Variants in CCDC7 observed in about 807,000 individuals in gnomAD.
CCDC7 encodes coiled-coil domain containing 7.
CCDC7 carries 183 observed loss-of-function variants against 196.9 expected under a neutral mutation model. The observed-to-expected ratio is 0.93, with a 90% CI of 0.82 to 1.05. CCDC7 has a LOEUF of 1.05. Among genes scored for constraint, CCDC7 ranks in the 50% least tolerant of loss-of-function variants. The pLI, the probability that CCDC7 is intolerant of heterozygous loss-of-function variation, is 0.00. For synonymous variants in CCDC7, 525 were observed against 484.6 expected, an observed-to-expected ratio of 1.08 and a Z score of -1.10; for missense variants, 1,540 against 1,482.2, an observed-to-expected ratio of 1.04 and a Z score of -0.64.
chr10:32,677,190 G>A (rs2075133705), intron 21 of CCDC7, among the ~76,000 whole-genome samples: 2 of 134,054 alleles, frequency 1.5e-5, no homozygotes, highest in African/African-American at 5.6e-5. Context: ...ACAGGAAGGG[G>A]AACATCACAC....
At chr10:32,646,728 C>A (rs2067833334) in intron 20 of CCDC7, among the ~76,000 whole-genome samples, 1 of 152,100 alleles carries the variant, frequency 6.6e-6, no homozygotes, top group Admixed American at 6.5e-5. Context: ...TTTTTAAACC[C>A]ACCACCACCT....
chr10:32,582,106 C>CTATATATATA (rs6143863), intron 16 of CCDC7, among the ~76,000 whole-genome samples: 4,973 of 102,576 alleles, frequency 0.048, 363 homozygotes, highest in Non-Finnish European at 0.072. Flanking sequence ...ACTGTCAGCA[C>CTATATATATA]TATATATATA....
intron 28 of CCDC7, among the ~76,000 whole-genome samples, chr10:32,754,986 G>T (rs1289822810): frequency 1.3e-5 from 2 of 152,154 alleles, no homozygotes; most frequent in African/African-American, 4.8e-5. Flanking sequence ...CGCTGGCTTG[G>T]AGGGTCCCAC....
At chr10:32,552,818 G>A (rs2136350183) in intron 13 of CCDC7, among the ~76,000 whole-genome samples, 2 of 152,232 alleles carry the variant, frequency 1.3e-5, no homozygotes, top group South Asian at 4.1e-4. Context: ...TCCTTTATAG[G>A]TTACTTGGCG....
intron 16 of CCDC7, among the ~76,000 whole-genome samples, chr10:32,573,308 G>A (rs1411572458): frequency 6.6e-6 from 1 of 152,174 alleles, no homozygotes; most frequent in Non-Finnish European, 1.5e-5. Context: ...AAGAACATGA[G>A]GTGGTTAACT....
At chr10:32,667,925 T>C (rs1376556671) in intron 21 of CCDC7, among the ~76,000 whole-genome samples, 2 of 152,098 alleles carry the variant, frequency 1.3e-5, no homozygotes, top group African/African-American at 2.4e-5. Flanking sequence ...GGTAGCTTGA[T>C]GGGGATGGCA....
intron 16 of CCDC7, among the ~76,000 whole-genome samples, chr10:32,582,387 G>T (rs1026769326): frequency 6.6e-6 from 1 of 151,608 alleles, no homozygotes; most frequent in Admixed American, 6.6e-5. Flanking sequence ...GCATTTCATA[G>T]GACTAGGAAA....
In CCDC7 at chr10:32,670,381, CT is replaced by C. The variant is rs201036522; in HGVS notation, c.2122+6230del. Among the ~76,000 whole-genome samples the C allele has an allele frequency of 9.8e-3, 1,390 of 141,384 alleles. 10 individuals carry two copies. The highest frequency in any genetic ancestry group is 0.021 in the Middle Eastern group (6 of 292). 92.8% of individuals were successfully genotyped at this position (141,384 alleles called of 152,430 possible). ...GATTTCCTATACTTTTATTTACTTT[CT>C]TTTTTTTTTAAATTTATTATTATTA... On this transcript the variant is annotated intron_variant, in intron 21 of 41. Coordinates refer to ENST00000639629, the Ensembl canonical transcript of CCDC7.
chr10:32,564,032 C>A (rs2056308625), intron 13 of CCDC7, among the ~76,000 whole-genome samples: 1 of 152,002 alleles, frequency 6.6e-6, no homozygotes. Context: ...TTTATGCAGC[C>A]AAAAAACACA....
intron 11 of CCDC7, among the ~76,000 whole-genome samples, chr10:32,524,152 C>A (rs548339903): frequency 1.3e-3 from 187 of 145,038 alleles, no homozygotes; most frequent in African/African-American, 4.5e-3. Flanking sequence ...GTATTCCTTG[C>A]TTGTTTTTTG....
intron 29 of CCDC7, among the ~76,000 whole-genome samples, chr10:32,788,251 A>G (rs2082161410): frequency 6.6e-6 from 1 of 151,880 alleles, no homozygotes; most frequent in Non-Finnish European, 1.5e-5. Context: ...TGAGGCTCCA[A>G]GCCTGCCCCA....
At chr10:32,496,308 T>G (rs566095889) in intron 9 of CCDC7, among the ~76,000 whole-genome samples, 12 of 152,226 alleles carry the variant, frequency 7.9e-5, no homozygotes, top group Non-Finnish European at 1.8e-4. Context: ...GTTTTCTAAA[T>G]AAACAATCAT....
At chr10:32,560,313 T>C (rs1446998771) in intron 13 of CCDC7, among the ~76,000 whole-genome samples, 1 of 152,154 alleles carries the variant, frequency 6.6e-6, no homozygotes, top group African/African-American at 2.4e-5. Context: ...ATTCAGGAAA[T>C]ACAGAGAACG....
At chr10:32,593,616 C>G (rs909362531) in intron 18 of CCDC7, among the ~76,000 whole-genome samples, 1 of 152,154 alleles carries the variant, frequency 6.6e-6, no homozygotes, top group Non-Finnish European at 1.5e-5. Flanking sequence ...CACATGAAGT[C>G]CTTGCCCATG....
intron 24 of CCDC7, among the ~76,000 whole-genome samples, chr10:32,697,587 G>A (rs770342178): frequency 6.6e-5 from 10 of 152,160 alleles, no homozygotes; most frequent in Non-Finnish European, 1.0e-4. Context: ...ACAGCAATCC[G>A]AGATCAAACT....
intron 22 of CCDC7, among the ~76,000 whole-genome samples, chr10:32,686,859 TGCCTGG>T (rs2076522642): frequency 6.6e-6 from 1 of 152,232 alleles, no homozygotes; most frequent in Non-Finnish European, 1.5e-5. Context: ...ATAGTGGACT[TGCCTGG>T]GCCTACCAGT....
At chr10:32,754,955 A>T (rs143241258) in intron 28 of CCDC7, among the ~76,000 whole-genome samples, 1 of 152,194 alleles carries the variant, frequency 6.6e-6, no homozygotes, top group Non-Finnish European at 1.5e-5. Context: ...AGCAAACAGC[A>T]CACCAGGAGA....
chr10:32,453,457 T>C, intron 2 of CCDC7, 21 bp downstream of exon 3: 4 of 1,430,142 alleles, frequency 2.8e-6, no homozygotes, highest in Non-Finnish European at 3.7e-6. Flanking sequence ...GCAACCCTAA[T>C]ATAGAGACAT....
At chr10:32,798,421 G>T (rs2084069508) in intron 29 of CCDC7, among the ~76,000 whole-genome samples, 1 of 152,226 alleles carries the variant, frequency 6.6e-6, no homozygotes, top group South Asian at 2.1e-4. Flanking sequence ...GGCAATGACA[G>T]GCGTGGCTGA....
Sources: allele counts gnomAD v4.1 joint callset (sites outside exome capture counted in the v4.1 genomes callset), GRCh38; gene constraint gnomAD v4.1.1; transcripts MANE v1.5; gene names NCBI Gene and HGNC (gene_info 2026-07-23, HGNC 2026-07-21).